The following AK4 variants were observed in gnomAD, a reference collection of about 807,000 sequenced individuals.
AK4 encodes the protein adenylate kinase 4.
In AK4, 13 loss-of-function variants were observed where a neutral mutation model predicts 24.6. That is an observed-to-expected ratio of 0.53 (90% CI 0.34 to 0.84). The LOEUF (loss-of-function observed/expected upper bound fraction) is 0.84. Ranked by LOEUF, AK4 falls within the 40% of genes least tolerant of loss-of-function variation. The pLI, the probability that AK4 is intolerant of heterozygous loss-of-function variation, is 0.01. For missense variants in AK4, 192 were observed against 288.2 expected, an observed-to-expected ratio of 0.67 and a Z score of 2.42; for synonymous variants, 88 against 107.0, an observed-to-expected ratio of 0.82 and a Z score of 1.10.
chr1:65,168,817 G>A (rs749632480), intron 1 of AK4, among the ~76,000 whole-genome samples: 5 of 152,120 alleles, frequency 3.3e-5, no homozygotes, highest in Non-Finnish European at 7.4e-5. Flanking sequence ...GGCTTATGCT[G>A]AAGAATAAGA....
intron 1 of AK4, among the ~76,000 whole-genome samples, chr1:65,172,416 C>A (rs1196952579): frequency 6.6e-6 from 1 of 151,938 alleles, no homozygotes; most frequent in East Asian, 1.9e-4. Context: ...TTGTTTTCCT[C>A]CTTTTATTTG....
At chr1:65,190,573 C>A in intron 1 of AK4, 137 bp from the exon 2 acceptor site, 3 of 997,976 alleles carry the variant, frequency 3.0e-6, no homozygotes, top group Admixed American at 3.0e-5. Context: ...ATTTTAAAAA[C>A]TTAAAACATG....
intron 1 of AK4, among the ~76,000 whole-genome samples, chr1:65,187,297 G>A: frequency 7.0e-6 from 1 of 143,292 alleles, no homozygotes. Flanking sequence ...GCAGTGAGCC[G>A]AGATCGCGCC....
intron 1 of AK4, among the ~76,000 whole-genome samples, chr1:65,181,495 C>A (rs1251330190): frequency 6.6e-6 from 1 of 151,572 alleles, no homozygotes; most frequent in East Asian, 1.9e-4. Context: ...CTCCCAGGTT[C>A]AAGGCCTCAG....
chr1:65,180,702 C>G (rs1650873248), intron 1 of AK4, among the ~76,000 whole-genome samples: 1 of 152,122 alleles, frequency 6.6e-6, no homozygotes, highest in South Asian at 2.1e-4. Context: ...TACTTCAGTG[C>G]CAAAATATTC....
intron 3 of AK4, among the ~76,000 whole-genome samples, chr1:65,223,652 A>G (rs1408678079): frequency 6.6e-6 from 1 of 152,166 alleles, no homozygotes. Context: ...AAGCTAGCAA[A>G]ATAATTAGAC....
At chr1:65,181,287 T>TG (rs903096682) in intron 1 of AK4, among the ~76,000 whole-genome samples, 1 of 152,024 alleles carries the variant, frequency 6.6e-6, no homozygotes, top group African/African-American at 2.4e-5. Context: ...ATGATTCTCT[T>TG]GCTTTACCAT....
At chr1:65,174,258 GA>G (rs1373775929) in intron 1 of AK4, among the ~76,000 whole-genome samples, 1 of 151,984 alleles carries the variant, frequency 6.6e-6, no homozygotes, top group African/African-American at 2.4e-5. Context: ...AGCATAGGCA[GA>G]TGTTTTGACA....
At chr1:65,152,196 C>T (rs1225202043) in intron 1 of AK4, among the ~76,000 whole-genome samples, 1 of 151,176 alleles carries the variant, frequency 6.6e-6, no homozygotes, top group African/African-American at 2.4e-5. Flanking sequence ...TTTTTTAAAA[C>T]CACATTATAC....
chr1:65,203,927 G>A (rs1651738770), intron 2 of AK4, among the ~76,000 whole-genome samples: 1 of 152,184 alleles, frequency 6.6e-6, no homozygotes, highest in Admixed American at 6.5e-5. Flanking sequence ...GAGATGGACA[G>A]GTTGATTAGG....
intron 2 of AK4, 118 bp downstream of exon 2, chr1:65,190,947 T>C (rs1417539804): frequency 2.3e-6 from 3 of 1,291,816 alleles, no homozygotes; most frequent in African/African-American, 1.5e-5. Context: ...CTGTCATTTA[T>C]TTAATATTGC....
chr1:65,215,953 G>C (rs895648557), intron 2 of AK4, among the ~76,000 whole-genome samples: 1 of 152,278 alleles, frequency 6.6e-6, no homozygotes, highest in Admixed American at 6.5e-5. Context: ...TCTTGTCAAG[G>C]TCACAGTTAG....
chr1:65,202,280 C>G (rs942345701), intron 2 of AK4, among the ~76,000 whole-genome samples: 3 of 152,034 alleles, frequency 2.0e-5, no homozygotes, highest in Non-Finnish European at 1.5e-5. Context: ...GCCTGTAGTT[C>G]CAGCTACTCA....
At position 65,170,809 on chromosome 1, in the gene AK4, T is replaced by G. The variant is rs368092415; in HGVS notation, c.146-19901T>G. Among the ~76,000 whole-genome samples, 14 of 152,304 alleles carry G rather than the reference T, an allele frequency of 9.2e-5. No individual in the cohort carries two copies. The East Asian group carries it at 1.5e-3, about 17-fold the overall frequency. ...TGACTAGTGAAAGGCCAAAAAAATT[T>G]GCAGAATCAGCTATTTAAAGCTTTG... On this transcript the variant is annotated intron_variant, in intron 1 of 4. Coordinates refer to ENST00000327299, the MANE Select transcript of AK4 (RefSeq NM_013410.4).
chr1:65,150,283 CTCTT>C (rs1348150553), intron 1 of AK4, among the ~76,000 whole-genome samples: 7 of 110,004 alleles, frequency 6.4e-5, no homozygotes, highest in Admixed American at 4.4e-4. Context: ...CTCTCTCTCT[CTCTT>C]TTTTTTTTTT....
At chr1:65,223,993 A>T (rs199763621) in intron 3 of AK4, among the ~76,000 whole-genome samples, 1 of 151,630 alleles carries the variant, frequency 6.6e-6, no homozygotes, top group Non-Finnish European at 1.5e-5. Context: ...ACTCCGTCTT[A>T]AAATAAATAA....
intron 1 of AK4, among the ~76,000 whole-genome samples, chr1:65,157,085 T>C (rs1372004254): frequency 6.6e-6 from 1 of 152,160 alleles, no homozygotes; most frequent in Non-Finnish European, 1.5e-5. Context: ...CATTTGCAAA[T>C]CTTTCTGGCC....
At chr1:65,151,682 A>G (rs1051914229) in intron 1 of AK4, among the ~76,000 whole-genome samples, 1 of 152,224 alleles carries the variant, frequency 6.6e-6, no homozygotes, top group Non-Finnish European at 1.5e-5. Flanking sequence ...CACAAATTCT[A>G]GACAGTACAT....
intron 1 of AK4, among the ~76,000 whole-genome samples, chr1:65,180,573 GTTTTTTA>G (rs1387144282): frequency 6.6e-6 from 1 of 152,000 alleles, no homozygotes; most frequent in Non-Finnish European, 1.5e-5. Flanking sequence ...TTTAACCAAG[GTTTTTTA>G]TTTTTTAAAG....
Sources: gnomAD v4.1 joint callset for allele counts (sites outside exome capture counted in the v4.1 genomes callset) on GRCh38, gnomAD v4.1.1 for gene constraint, MANE v1.5 for transcripts, NCBI Gene and HGNC (gene_info 2026-07-23, HGNC 2026-07-21) for gene names.